The following C11orf65 variants were observed in gnomAD, a reference collection of about 807,000 sequenced individuals.
C11orf65 encodes protein MFI.
A neutral mutation model predicts 35.3 loss-of-function variants in C11orf65; 38 were observed. That is an observed-to-expected ratio of 1.08 (90% CI 0.83 to 1.41). C11orf65 has a LOEUF of 1.41. Ranked by LOEUF, C11orf65 falls within the 40% of genes most tolerant of loss-of-function variation. The pLI is 0.00. For missense variants in C11orf65, 370 were observed against 367.1 expected, an observed-to-expected ratio of 1.01 and a Z score of -0.06; for synonymous variants, 105 against 114.4, an observed-to-expected ratio of 0.92 and a Z score of 0.53.
intron 2 of C11orf65, among the ~76,000 whole-genome samples, chr11:108,339,664 C>CT (rs1259804678): frequency 6.6e-6 from 1 of 152,080 alleles, no homozygotes; most frequent in African/African-American, 2.4e-5. Flanking sequence ...AGTTGAGACT[C>CT]TAAGCTGAGG....
At chr11:108,438,689 T>C (rs1437273751) in intron 2 of C11orf65, among the ~76,000 whole-genome samples, 1 of 151,814 alleles carries the variant, frequency 6.6e-6, no homozygotes, top group Non-Finnish European at 1.5e-5. Flanking sequence ...AGAAACAAAA[T>C]GAACAAAAAG....
chr11:108,451,632 C>T (rs1377704312), intron 2 of C11orf65, among the ~76,000 whole-genome samples: 1 of 150,440 alleles, frequency 6.6e-6, no homozygotes, highest in Admixed American at 6.8e-5. Flanking sequence ...CAATGACTTT[C>T]TTCACAGAAT....
chr11:108,350,989 C>A (rs958777862), intron 2 of C11orf65, among the ~76,000 whole-genome samples: 1 of 152,024 alleles, frequency 6.6e-6, no homozygotes, highest in African/African-American at 2.4e-5. Flanking sequence ...TTCATAATAG[C>A]CCCTAACTGG....
chr11:108,375,833 A>G (rs928695244), intron 2 of C11orf65, among the ~76,000 whole-genome samples: 4 of 152,126 alleles, frequency 2.6e-5, no homozygotes, highest in East Asian at 1.9e-4. Context: ...AGGGGTTGCA[A>G]TACTAGTCTC....
At chr11:108,321,490 TAAAAACTATAG>T (rs2085215535) in intron 6 of C11orf65, 9 of 1,607,194 alleles carry the variant, frequency 5.6e-6, no homozygotes, top group African/African-American at 1.3e-5. Flanking sequence ...CTTTAAAAAA[TAAAAACTATAG>T]GCCGGGCACG....
At chr11:108,407,363 G>A (rs2092560775) in intron 3 of C11orf65, among the ~76,000 whole-genome samples, 1 of 152,080 alleles carries the variant, frequency 6.6e-6, no homozygotes, top group African/African-American at 2.4e-5. Context: ...CCAGGCTGGA[G>A]TGCGGTGGCA....
intron 8 of C11orf65, among the ~76,000 whole-genome samples, chr11:108,385,428 A>T (rs996898930): frequency 6.6e-6 from 1 of 151,904 alleles, no homozygotes; most frequent in African/African-American, 2.4e-5. Flanking sequence ...CTCGCCTGTA[A>T]TCCCAGCACT....
At chr11:108,329,273 C>T (rs1441007183), downstream of C11orf65, 3 of 1,544,646 alleles carry the variant, frequency 1.9e-6, no homozygotes, top group African/African-American at 1.4e-5. Context: ...ATTTTATGTT[C>T]ACCAGTTAAC....
At chr11:108,325,592 T>C (rs2085592364) in intron 6 of C11orf65, 1 of 1,476,728 alleles carries the variant, frequency 6.8e-7, no homozygotes, top group Non-Finnish European at 9.4e-7. Flanking sequence ...ACTTTCCTTT[T>C]ATTATTTAAA....
intron 2 of C11orf65, among the ~76,000 whole-genome samples, chr11:108,362,185 A>G (rs1468617751): frequency 1.4e-5 from 2 of 144,336 alleles, no homozygotes; most frequent in African/African-American, 2.6e-5. Context: ...GCAGCCAAAA[A>G]ACACATGAAA....
intron 2 of C11orf65, among the ~76,000 whole-genome samples, chr11:108,362,908 C>T (rs990650530): frequency 2.0e-5 from 3 of 151,768 alleles, no homozygotes; most frequent in Admixed American, 1.3e-4. Flanking sequence ...ATGTAACTAA[C>T]CTGCACAATG....
chr11:108,331,289 A>G, downstream of C11orf65: 1 of 1,391,806 alleles, frequency 7.2e-7, no homozygotes, highest in South Asian at 1.7e-5. Context: ...ACCTTCAGAT[A>G]AGAAAAGAAA....
chr11:108,429,357 G>A (rs2092953500), intron 3 of C11orf65, among the ~76,000 whole-genome samples: 1 of 152,012 alleles, frequency 6.6e-6, no homozygotes, highest in Non-Finnish European at 1.5e-5. Context: ...CTAGATGATG[G>A]GTACATGGTG....
At chr11:108,387,120 C>T (rs555649623) in intron 7 of C11orf65, among the ~76,000 whole-genome samples, 16 of 147,670 alleles carry the variant, frequency 1.1e-4, no homozygotes, top group South Asian at 1.1e-3. Context: ...TCAGAAAACA[C>T]TGTGATTTTC....
intron 3 of C11orf65, among the ~76,000 whole-genome samples, chr11:108,333,334 G>C (rs925596836): frequency 6.6e-6 from 1 of 152,042 alleles, no homozygotes; most frequent in Admixed American, 6.6e-5. Context: ...TATTATTCTT[G>C]CTGTGTCAGT....
intron 2 of C11orf65, among the ~76,000 whole-genome samples, chr11:108,452,054 A>G (rs945726499): frequency 6.6e-6 from 1 of 152,212 alleles, no homozygotes; most frequent in Admixed American, 6.5e-5. Flanking sequence ...TAAAAACCCT[A>G]GAAGAAAACC....
At chr11:108,378,483 G>A (rs10890830), downstream of C11orf65, among the ~76,000 whole-genome samples, 49,552 of 98,950 alleles carry the variant, frequency 0.5, 11,942 homozygotes, top group Middle Eastern at 0.67. Context: ...AATTAATTCA[G>A]GATGGATTAA....
At chr11:108,463,924 AT>A (rs10677306) in intron 1 of C11orf65, among the ~76,000 whole-genome samples, 13,046 of 132,330 alleles carry the variant, frequency 0.099, 1,449 homozygotes, top group African/African-American at 0.32. Flanking sequence ...AGATTTGTTA[AT>A]TTTTTTTTTT....
intron 2 of C11orf65, chr11:108,366,697 A>G (rs1158824663): frequency 4.3e-6 from 1 of 231,234 alleles, no homozygotes. Context: ...AAATACTGAT[A>G]GGAGATTTCC....
Sources: allele counts gnomAD v4.1 joint callset (sites outside exome capture counted in the v4.1 genomes callset), GRCh38; gene constraint gnomAD v4.1.1; transcripts MANE v1.5; gene names NCBI Gene and HGNC (gene_info 2026-07-23, HGNC 2026-07-21).